F8: variants seen among roughly 807,000 people sequenced by gnomAD.
The protein encoded by F8 is antihemophilic factor.
F8 carries 12 observed loss-of-function variants against 140.6 expected under a neutral mutation model. That is an observed-to-expected ratio of 0.09 (90% CI 0.05 to 0.14). The LOEUF is 0.14. F8 is among the 10% of genes least tolerant of loss of function. The probability of loss-of-function intolerance (pLI) is 1.00; values close to 1 mark genes in which losing one functional copy is unlikely to be tolerated. For synonymous variants in F8, 585 were observed against 614.6 expected (o/e 0.95, Z 0.71); for missense variants, 1,354 against 1,720.7 (o/e 0.79, Z 3.77).
At position 154,997,184 on chromosome X, in the gene F8, G is replaced by A. The variant is rs1192780704; in HGVS notation, c.266-89C>T. 38 of 1,030,279 alleles carry A rather than the reference G, an allele frequency of 3.7e-5. No individual in the cohort carries two copies. In the South Asian group the frequency reaches 6.4e-4, roughly 17 times the overall value. 84.9% of individuals were successfully genotyped at this position (1,030,279 alleles called of 1,213,427 possible). A position where few individuals can be genotyped will look rare whatever the true frequency, so the allele number is the denominator to read the frequency against. On this transcript the variant is annotated intron_variant, in intron 2 of 25. Transcript: ENST00000360256. ...CAAAAGTTAGAGTCAAGGTCACAGT[G>A]GAGAAGCATGCCCCTGTAATTACTG...
chrX:155,004,607 T>C (rs782413967), intron 1 of F8, among the ~76,000 whole-genome samples: 15 of 112,335 alleles, frequency 1.3e-4, no homozygotes, highest in Non-Finnish European at 2.6e-4. Context: ...AATGTTCAAC[T>C]TGCCAGTAAC....
At chrX:154,871,311 C>G (rs1557273563) in intron 22 of F8, among the ~76,000 whole-genome samples, 1 of 112,053 alleles carries the variant, frequency 8.9e-6, no homozygotes, top group Non-Finnish European at 1.9e-5. Flanking sequence ...TACAAGGCTA[C>G]AGTAACCAAA....
At chrX:155,006,476 G>A (rs1269549539) in intron 1 of F8, among the ~76,000 whole-genome samples, 1 of 23,164 alleles carries the variant, frequency 4.3e-5, no homozygotes, top group Admixed American at 5.4e-4. Context: ...TGTGATGTTT[G>A]GACTGCAAGT....
chrX:154,951,383 T>G (rs1251932758), intron 12 of F8, among the ~76,000 whole-genome samples: 2 of 112,072 alleles, frequency 1.8e-5, no homozygotes, highest in Non-Finnish European at 3.8e-5. Context: ...TATCTTGTCT[T>G]TTATTATAAT....
chrX:154,896,192 G>A lies in F8; in HGVS notation c.6314C>T (p.Thr2105Ile). ...LAPMIIHGIKTQGARQKFSSL... is the reference protein window; with the variant it reads ...LAPMIIHGIKIQGARQKFSSL... ...GGAGAACTTCTGACGGGCACCCTGG[G>A]TCTTGATGCCGTGAATAATCATTGG... The change falls in exon 22 of 26, where the codon ACC becomes ATC. Residue 2105 changes from threonine to isoleucine, a missense_variant. Thr to Ile is a moderately conservative substitution (Grantham distance 89). Around this residue, in one of 4 missense-constraint regions of F8, gnomAD observed 316 missense variants for 485.4 expected, o/e 0.65. Transcript: ENST00000360256. The A allele has an allele frequency of 8.3e-7, 1 of 1,210,891 alleles. No homozygotes were observed. Among genetic ancestry groups the A allele is most frequent in the South Asian group, 1.8e-5 (1 of 56,977 alleles).
rs181382306 is a variant in F8 at position 154,937,553 on chromosome X, G to A, written c.2114-5877C>T. Reference sequence around the variant, plus strand: ...ATCAGGTATGAAAACGGAGACATCAGTACAGACATTATAAGGATGATAAAA... The same window carrying A: ...ATCAGGTATGAAAACGGAGACATCAATACAGACATTATAAGGATGATAAAA... On this transcript the variant is annotated intron_variant, in intron 13 of 25. Transcript: ENST00000360256. 1.0e-4 allele frequency among the ~76,000 whole-genome samples: 11 copies of A among 110,278 alleles called. No homozygotes were observed. In the Admixed American group the frequency reaches 1.1e-3, roughly 11 times the overall value.
intron 1 of F8, among the ~76,000 whole-genome samples, chrX:155,012,991 A>G (rs1274858764): frequency 9.2e-6 from 1 of 108,405 alleles, no homozygotes; most frequent in Non-Finnish European, 1.9e-5. Flanking sequence ...CTATCAGTAT[A>G]AAAAATTAGC....
chrX:154,849,461 CTTT>C (rs782727629), intron 25 of F8, among the ~76,000 whole-genome samples: 1 of 86,618 alleles, frequency 1.2e-5, no homozygotes, highest in African/African-American at 4.3e-5. Context: ...TTTACTTTTG[CTTT>C]TTTTTTTTTT....
intron 13 of F8, among the ~76,000 whole-genome samples, chrX:154,944,144 G>T (rs1435280160): frequency 9.0e-6 from 1 of 111,283 alleles, no homozygotes; most frequent in Non-Finnish European, 1.9e-5. Flanking sequence ...AAAAGCAATG[G>T]CAACAAAAGC....
chrX:154,992,302 C>T (rs782435930), intron 4 of F8, among the ~76,000 whole-genome samples: 3 of 111,190 alleles, frequency 2.7e-5, no homozygotes, highest in Non-Finnish European at 3.8e-5. Context: ...ATAAATGGAA[C>T]AAGGAAAAGG....
chrX:154,932,823 C>T (rs189362551), intron 13 of F8, among the ~76,000 whole-genome samples: 52 of 110,924 alleles, frequency 4.7e-4, no homozygotes, highest in Admixed American at 2.5e-3. Flanking sequence ...CTAGAGAGAA[C>T]CAGCTCAGAC....
At position 154,930,807 on chromosome X, in the gene F8, T is replaced by G; in HGVS notation, c.2983A>C (p.Lys995Gln). 1 of 1,210,880 alleles carries G rather than the reference T, an allele frequency of 8.3e-7. No homozygotes were observed. Among genetic ancestry groups the G allele is most frequent in the Non-Finnish European group, 1.1e-6 (1 of 894,661 alleles). Residue 995 changes from lysine (K) to glutamine (Q), a missense_variant, in exon 14 of 26, where the codon AAA becomes CAA. Coordinates refer to ENST00000360256, the MANE Select transcript of F8 (RefSeq NM_000132.4). ...STESGRLFKG[K>Q]RAHGPALLTK... ...AACAAAGCAGGTCCATGAGCTCTTT[T>G]CCCTTTAAATAACCTACCACTCTCT... is the stretch of plus-strand genomic sequence containing the variant.
At chrX:154,932,801 T>A (rs2073204914) in intron 13 of F8, among the ~76,000 whole-genome samples, 1 of 111,140 alleles carries the variant, frequency 9.0e-6, no homozygotes, top group Admixed American at 9.6e-5. Context: ...AGTTGATAAC[T>A]GAGCCTCAGG....
At chrX:154,947,069 C>G (rs1365586434) in intron 13 of F8, among the ~76,000 whole-genome samples, 2 of 108,164 alleles carry the variant, frequency 1.8e-5, no homozygotes, top group African/African-American at 3.4e-5. Context: ...ACTAAAAATA[C>G]AAAAAATTAG....
chrX:154,982,291 C>G (rs1557283747), intron 6 of F8, among the ~76,000 whole-genome samples: 1 of 105,965 alleles, frequency 9.4e-6, no homozygotes, highest in Non-Finnish European at 1.9e-5. Flanking sequence ...ACTAAAAATA[C>G]AAAAAATTAG....
At chrX:154,854,426 T>G (rs1481452785) in intron 25 of F8, among the ~76,000 whole-genome samples, 1 of 112,397 alleles carries the variant, frequency 8.9e-6, no homozygotes, top group Non-Finnish European at 1.9e-5. Flanking sequence ...TCAGTTTTTT[T>G]CCTGCCTTTG....
At chrX:154,850,317 G>GACT (rs2072605070) in intron 25 of F8, among the ~76,000 whole-genome samples, 1 of 109,640 alleles carries the variant, frequency 9.1e-6, no homozygotes, top group Non-Finnish European at 1.9e-5. Flanking sequence ...TTAGTAGAGG[G>GACT]GGGTTTCACC....
At chrX:154,936,623 C>T (rs1409651242) in intron 13 of F8, among the ~76,000 whole-genome samples, 1 of 111,801 alleles carries the variant, frequency 8.9e-6, no homozygotes, top group Admixed American at 9.5e-5. Flanking sequence ...ATCAAAATAA[C>T]AAACTCAACA....
In F8 at chrX:154,919,559, C is replaced by A; in HGVS notation, c.5219+9012G>T. ...GCAGCAGACAATCACTCAATCCTGGCAGACTCTCAGAATCTCACTTGGACC... is the reference window on the plus strand; with the variant it reads ...GCAGCAGACAATCACTCAATCCTGGAAGACTCTCAGAATCTCACTTGGACC... On this transcript the variant is annotated intron_variant, in intron 14 of 25. Transcript: ENST00000360256. 2.7e-6 allele frequency: 2 copies of A among 740,770 alleles called. 1 individual carries two copies. The highest frequency in any genetic ancestry group is 6.9e-5 in the South Asian group (2 of 29,024). 61.0% of individuals were successfully genotyped at this position (740,770 alleles called of 1,213,427 possible).
Sources: allele counts gnomAD v4.1 joint callset (sites outside exome capture counted in the v4.1 genomes callset), GRCh38; gene constraint gnomAD v4.1.1; regional missense constraint gnomAD v4.1.1; transcripts MANE v1.5; gene names NCBI Gene and HGNC (gene_info 2026-07-23, HGNC 2026-07-21).